The following DTD1 variants were observed in gnomAD, a reference collection of about 807,000 sequenced individuals.
DTD1 encodes D-aminoacyl-tRNA deacylase 1.
In DTD1, 13 loss-of-function variants were observed where a neutral mutation model predicts 25.6. The observed-to-expected ratio is 0.51, with a 90% CI of 0.33 to 0.81. DTD1 has a LOEUF of 0.81. DTD1 is among the 30% of genes least tolerant of loss of function. The pLI, the probability that DTD1 is intolerant of heterozygous loss-of-function variation, is 0.02. For synonymous variants in DTD1, 110 were observed against 103.6 expected (o/e 1.06, Z -0.37); for missense variants, 193 against 266.4 (o/e 0.72, Z 1.92).
intron 4 of DTD1, among the ~76,000 whole-genome samples, chr20:18,735,049 C>A: frequency 6.6e-6 from 1 of 152,094 alleles, no homozygotes; most frequent in Non-Finnish European, 1.5e-5. Flanking sequence ...AAAGTAATTG[C>A]AGAGGAGATA....
intron 1 of DTD1, among the ~76,000 whole-genome samples, chr20:18,591,356 A>G (rs1451001993): frequency 6.6e-6 from 1 of 152,238 alleles, no homozygotes; most frequent in Non-Finnish European, 1.5e-5. Context: ...GAAGATTTTC[A>G]CTACACTGTT....
At chr20:18,681,617 T>C (rs991499093) in intron 4 of DTD1, among the ~76,000 whole-genome samples, 2 of 152,114 alleles carry the variant, frequency 1.3e-5, no homozygotes, top group South Asian at 4.1e-4. Flanking sequence ...TAGAAGAAAA[T>C]GTTTCCAGTG....
chr20:18,620,731 C>G (rs753076801), intron 3 of DTD1, among the ~76,000 whole-genome samples: 28 of 151,904 alleles, frequency 1.8e-4, no homozygotes, highest in Non-Finnish European at 3.5e-4. Context: ...GTACCTGGGA[C>G]TATGAGCATG....
At chr20:18,687,659 ATCC>A (rs2122426595) in intron 4 of DTD1, among the ~76,000 whole-genome samples, 1 of 152,176 alleles carries the variant, frequency 6.6e-6, no homozygotes, top group East Asian at 1.9e-4. Context: ...TGCTCAAGTA[ATCC>A]TCCTACCTCG....
At chr20:18,706,703 G>C (rs1041659136) in intron 4 of DTD1, among the ~76,000 whole-genome samples, 1 of 152,164 alleles carries the variant, frequency 6.6e-6, no homozygotes, top group Non-Finnish European at 1.5e-5. Context: ...CCTTTTACTT[G>C]TGTTCTCTGA....
At chr20:18,611,974 C>A (rs1326488594) in intron 3 of DTD1, among the ~76,000 whole-genome samples, 1 of 151,972 alleles carries the variant, frequency 6.6e-6, no homozygotes, top group Non-Finnish European at 1.5e-5. Flanking sequence ...CATGCCTCAG[C>A]CTCCCGAGTA....
rs139284297 is a variant in DTD1 at position 18,627,062 on chromosome 20, C to T, written c.371-1065C>T. Among the ~76,000 whole-genome samples, 817 of 152,326 alleles carry T rather than the reference C, an allele frequency of 5.4e-3. 6 individuals are homozygous for T. The highest frequency in any genetic ancestry group is 6.5e-3 in the Non-Finnish European group (444 of 68,036). On this transcript the variant is annotated intron_variant, in intron 3 of 5. Coordinates refer to ENST00000377452, the MANE Select transcript of DTD1 (RefSeq NM_080820.6). ...GCCACTTTAATCTGATAGGAGGTCA[C>T]GGAAAGTCATCATTTTTTGAGCACC...
chr20:18,600,251 G>A (rs1438693924), intron 3 of DTD1, among the ~76,000 whole-genome samples: 1 of 152,004 alleles, frequency 6.6e-6, no homozygotes, highest in Non-Finnish European at 1.5e-5. Context: ...TTACATTTAG[G>A]CCTATGATTC....
At chr20:18,648,632 C>G (rs113233622) in intron 4 of DTD1, among the ~76,000 whole-genome samples, 5 of 152,116 alleles carry the variant, frequency 3.3e-5, no homozygotes, top group Non-Finnish European at 5.9e-5. Flanking sequence ...TCTTCCTCCT[C>G]CACTTGTCAT....
Position 18,603,627 on chromosome 20 carries a change from A to G in DTD1, c.370+7386A>G, listed in dbSNP as rs545386560. Among the ~76,000 whole-genome samples the G allele has an allele frequency of 7.1e-3, 759 of 107,098 alleles. 4 individuals are homozygous for G. The highest frequency in any genetic ancestry group is 0.025 in the African/African-American group (719 of 29,056). The allele number at this position is 107,098 out of a possible 152,430, so 70.3% of individuals were successfully genotyped here. A position where few individuals can be genotyped will look rare whatever the true frequency, so the allele number is the denominator to read the frequency against. Reference sequence around the variant, plus strand: ...AACTCAGGATTAAGAATCTCACTCAAAGCCGCTCAACTACATGGAAACTGA... The same window carrying G: ...AACTCAGGATTAAGAATCTCACTCAGAGCCGCTCAACTACATGGAAACTGA... On this transcript the variant is annotated intron_variant, in intron 3 of 5. Transcript: ENST00000377452.
intron 5 of DTD1, among the ~76,000 whole-genome samples, chr20:18,751,746 A>G (rs541686059): frequency 2.0e-5 from 3 of 152,022 alleles, no homozygotes; most frequent in African/African-American, 7.2e-5. Flanking sequence ...CACACACCTC[A>G]GCCTCCCAAA....
intron 4 of DTD1, among the ~76,000 whole-genome samples, chr20:18,709,907 A>G (rs77948138): frequency 0.012 from 1,758 of 152,222 alleles, 30 homozygotes; most frequent in African/African-American, 0.039. Context: ...ACCATTAGAA[A>G]ACAGGCAATC....
chr20:18,651,777 A>G (rs925156898), intron 4 of DTD1, among the ~76,000 whole-genome samples: 1 of 152,202 alleles, frequency 6.6e-6, no homozygotes, highest in Non-Finnish European at 1.5e-5. Flanking sequence ...TGGTTTTAGT[A>G]GGCTCTGGCA....
chr20:18,677,378 A>G (rs1389040687), intron 4 of DTD1, among the ~76,000 whole-genome samples: 1 of 151,900 alleles, frequency 6.6e-6, no homozygotes, highest in African/African-American at 2.4e-5. Flanking sequence ...CAGTTCGTTG[A>G]TGAGATGCTC....
At chr20:18,616,459 C>G (rs1327732864) in intron 3 of DTD1, among the ~76,000 whole-genome samples, 1 of 152,006 alleles carries the variant, frequency 6.6e-6, no homozygotes, top group Non-Finnish European at 1.5e-5. Context: ...CTTGCCAGTT[C>G]TCCCTTCCCC....
At chr20:18,674,321 A>T (rs886589956) in intron 4 of DTD1, 2 of 152,230 alleles carry the variant, frequency 1.3e-5, no homozygotes, top group African/African-American at 4.8e-5. Flanking sequence ...AATGCTGTTT[A>T]AATTAGAAAC....
chr20:18,649,807 A>G (rs1298236458), intron 4 of DTD1, among the ~76,000 whole-genome samples: 5 of 152,184 alleles, frequency 3.3e-5, no homozygotes, highest in Non-Finnish European at 5.9e-5. Context: ...CCCAAGTGCT[A>G]TGCTCAGTAG....
intron 4 of DTD1, among the ~76,000 whole-genome samples, chr20:18,647,672 C>T (rs1278932654): frequency 1.3e-5 from 2 of 151,964 alleles, no homozygotes; most frequent in Non-Finnish European, 2.9e-5. Context: ...GGAGAGGCAG[C>T]CAGATGTGGC....
intron 3 of DTD1, among the ~76,000 whole-genome samples, chr20:18,609,509 A>G (rs552281950): frequency 8.8e-6 from 1 of 114,188 alleles, no homozygotes; most frequent in East Asian, 2.1e-4. Context: ...GGATTAAGCA[A>G]ACCCAGATTT....
Sources: gnomAD v4.1 joint callset for allele counts (sites outside exome capture counted in the v4.1 genomes callset) on GRCh38, gnomAD v4.1.1 for gene constraint, MANE v1.5 for transcripts, NCBI Gene and HGNC (gene_info 2026-07-23, HGNC 2026-07-21) for gene names.